The following CYP4F22 variants were observed in gnomAD, a reference collection of about 807,000 sequenced individuals.
The protein encoded by CYP4F22 is ultra-long-chain fatty acid omega-hydroxylase.
Under a neutral mutation model 60.4 loss-of-function variants are expected in CYP4F22, and 37 were observed. That is an observed-to-expected ratio of 0.61 (90% CI 0.47 to 0.81). The LOEUF (loss-of-function observed/expected upper bound fraction) is 0.81. Ranked by LOEUF, CYP4F22 falls within the 30% of genes least tolerant of loss-of-function variation. The probability of loss-of-function intolerance (pLI) is 0.00; values close to 1 mark genes in which losing one functional copy is unlikely to be tolerated. For missense variants in CYP4F22, 655 were observed against 715.0 expected (o/e 0.92, Z 0.96); for synonymous variants, 258 against 280.5 (o/e 0.92, Z 0.80).
At chr19:15,544,307 G>A (rs1331715632) in intron 10 of CYP4F22, 28 bp downstream of exon 10, 5 of 1,608,072 alleles carry the variant, frequency 3.1e-6, no homozygotes, top group Non-Finnish European at 4.2e-6. Flanking sequence ...GGAATGGAGG[G>A]GGCAGGTTGA....
chr19:15,515,521 T>C, intron 1 of CYP4F22: 2 of 637,392 alleles, frequency 3.1e-6, no homozygotes, highest in Non-Finnish European at 6.0e-6. Flanking sequence ...GGTCAGGAGT[T>C]CAAGACCAGC....
rs1555725991 is a variant in CYP4F22 at position 15,509,922 on chromosome 19, C to CTTTCTTTCTTTCTTTCTTTCT, written c.-109+1341_-109+1342insTCTTTCTTTCTTTCTTTCTTT. 3.9e-3 allele frequency among the ~76,000 whole-genome samples: 449 copies of CTTTCTTTCTTTCTTTCTTTCT among 115,518 alleles called. 9 individuals carry two copies. Among genetic ancestry groups the CTTTCTTTCTTTCTTTCTTTCT allele is most frequent in the South Asian group, 0.016 (46 of 2,950 alleles). 75.8% of individuals were successfully genotyped at this position (115,518 alleles called of 152,430 possible). A position where few individuals can be genotyped will look rare whatever the true frequency, so the allele number is the denominator to read the frequency against. ...CTTCCTTCCTTTCTTTCTTTCCTTC[C>CTTTCTTTCTTTCTTTCTTTCT]TTCTTTCTTTCTTTCTTTCTTTCTT... On this transcript the variant is annotated intron_variant, in intron 1 of 13. Transcript: ENST00000269703.
chr19:15,528,519 C>T (rs1971307221), intron 3 of CYP4F22, among the ~76,000 whole-genome samples: 1 of 152,058 alleles, frequency 6.6e-6, no homozygotes, highest in African/African-American at 2.4e-5. Context: ...GGGACCGAGC[C>T]CTGGTTGCCC....
chr19:15,536,332 C>A (rs1353492997), intron 4 of CYP4F22, among the ~76,000 whole-genome samples: 1 of 152,014 alleles, frequency 6.6e-6, no homozygotes. Context: ...AGTGAGACCC[C>A]ATCTCAAAAA....
At chr19:15,543,188 C>T (rs1393644142) in intron 8 of CYP4F22, among the ~76,000 whole-genome samples, 1 of 152,116 alleles carries the variant, frequency 6.6e-6, no homozygotes, top group African/African-American at 2.4e-5. Context: ...AAAAGCGTTC[C>T]TATTTCTCCA....
intron 12 of CYP4F22, 146 bp downstream of exon 12, chr19:15,549,348 T>A: frequency 1.3e-6 from 1 of 783,796 alleles, no homozygotes; most frequent in Non-Finnish European, 2.2e-6. Context: ...CACTGATTGT[T>A]AATTCATTAG....
chr19:15,521,067 G>T (rs1971219542), intron 1 of CYP4F22, among the ~76,000 whole-genome samples: 1 of 151,884 alleles, frequency 6.6e-6, no homozygotes, highest in Non-Finnish European at 1.5e-5. Flanking sequence ...ACGTCCAGCT[G>T]TGATTGGCTT....
At chr19:15,551,256 C>G (rs1282707994) in intron 13 of CYP4F22, 38 bp from the exon 14 acceptor site, 3 of 1,596,860 alleles carry the variant, frequency 1.9e-6, no homozygotes, top group Non-Finnish European at 2.6e-6. Context: ...AGTGCTCACA[C>G]AGAAGCTGGG....
chr19:15,539,067 C>A (rs1971430196), intron 7 of CYP4F22, among the ~76,000 whole-genome samples: 1 of 152,180 alleles, frequency 6.6e-6, no homozygotes, highest in Non-Finnish European at 1.5e-5. Flanking sequence ...ACCATTTACT[C>A]ATTTAAAGAA....
At chr19:15,531,378 G>T (rs143809256) in intron 4 of CYP4F22, among the ~76,000 whole-genome samples, 2,581 of 68,302 alleles carry the variant, frequency 0.038, 41 homozygotes, top group Non-Finnish European at 0.05. Flanking sequence ...GCAAGGCTTA[G>T]TCTCTTAAAA....
chr19:15,549,085 C>G (rs1391947965), intron 11 of CYP4F22, 53 bp from the exon 12 acceptor site: 18 of 1,604,038 alleles, frequency 1.1e-5, no homozygotes, highest in Non-Finnish European at 1.5e-5. Context: ...GGGGATGTTT[C>G]TGGAGGAGGC....
chr19:15,509,890 TTCCTTCCTTC>T (rs1971064154), intron 1 of CYP4F22, among the ~76,000 whole-genome samples: 2 of 117,992 alleles, frequency 1.7e-5, no homozygotes, highest in Non-Finnish European at 3.7e-5. Context: ...CCTTCCTTCC[TTCCTTCCTTC>T]CTTCCTTTCT....
intron 4 of CYP4F22, among the ~76,000 whole-genome samples, chr19:15,532,531 C>T (rs1463077682): frequency 1.3e-5 from 2 of 151,588 alleles, no homozygotes; most frequent in Non-Finnish European, 2.9e-5. Flanking sequence ...TGCACCACCA[C>T]ACCTGGCTAA....
chr19:15,544,943 C>A (rs1193066936), intron 10 of CYP4F22, among the ~76,000 whole-genome samples: 4 of 152,092 alleles, frequency 2.6e-5, no homozygotes, highest in Admixed American at 2.0e-4. Flanking sequence ...TGCCTGTAAT[C>A]CCCCCTACTC....
intron 10 of CYP4F22, 59 bp from the exon 11 acceptor site, chr19:15,548,049 G>A: frequency 2.2e-6 from 3 of 1,390,986 alleles, no homozygotes; most frequent in Non-Finnish European, 3.0e-6. Context: ...GTGTGTGTGT[G>A]TTTTGGGGAG....
At position 15,525,433 on chromosome 19, in the gene CYP4F22, T is replaced by C. The variant is rs778434392; in HGVS notation, c.97T>C (p.Phe33Leu). ...AVSTLLLFLL[F>L]FLFRLLLRFL... ...GTCCACCCTTCTCCTCTTCCTGCTC[T>C]TCTTCCTGTTCCGCCTGCTGCTGCG... Residue 33 changes from phenylalanine to leucine, a missense_variant, in exon 3 of 14, where the codon TTC becomes CTC. Transcript: ENST00000269703. 2 of 1,614,144 alleles carry C rather than the reference T, an allele frequency of 1.2e-6. No homozygotes were observed. Among genetic ancestry groups the C allele is most frequent in the Non-Finnish European group, 1.7e-6 (2 of 1,180,012 alleles).
chr19:15,538,322 C>T (rs1971423024), intron 7 of CYP4F22, among the ~76,000 whole-genome samples: 1 of 152,104 alleles, frequency 6.6e-6, no homozygotes, highest in African/African-American at 2.4e-5. Flanking sequence ...TGGACAGTGT[C>T]CTCCCCACTT....
At position 15,550,775 on chromosome 19, in the gene CYP4F22, C is replaced by G. The variant is rs1449139917; in HGVS notation, c.1418+19C>G. On this transcript the variant is annotated intron_variant, in intron 13 of 13. Coordinates refer to ENST00000269703, the MANE Select transcript of CYP4F22 (RefSeq NM_173483.4). ...GACCCAGGTAACCCCTCTATTTCCC[C>G]TAGTCCAAGCCAGCTGTGTAGGAAC... The G allele has an allele frequency of 1.9e-6, 3 of 1,613,200 alleles. No homozygotes were observed. Among genetic ancestry groups the G allele is most frequent in the Admixed American group, 3.3e-5 (2 of 60,026 alleles).
intron 3 of CYP4F22, among the ~76,000 whole-genome samples, chr19:15,529,168 G>A (rs1008196425): frequency 1.5e-4 from 22 of 148,050 alleles, no homozygotes; most frequent in South Asian, 4.3e-4. Flanking sequence ...TGCTCTTGTC[G>A]TCCAGGCTGG....
Sources: gnomAD v4.1 joint callset for allele counts (sites outside exome capture counted in the v4.1 genomes callset) on GRCh38, gnomAD v4.1.1 for gene constraint, MANE v1.5 for transcripts, NCBI Gene and HGNC (gene_info 2026-07-23, HGNC 2026-07-21) for gene names.